Variants in SYNE1 observed in about 807,000 individuals in gnomAD.
SYNE1 encodes the protein nesprin-1.
A neutral mutation model predicts 1,111.0 loss-of-function variants in SYNE1; 616 were observed. The ratio of observed to expected loss-of-function variants is 0.55; its 90% CI spans 0.52 to 0.59. SYNE1 has a LOEUF of 0.59. SYNE1 is among the 20% of genes least tolerant of loss of function. The pLI is 0.00. For missense variants in SYNE1, 10,006 were observed against 10,417.0 expected, an observed-to-expected ratio of 0.96 and a Z score of 1.72; for synonymous variants, 3,855 against 3,825.8, an observed-to-expected ratio of 1.01 and a Z score of -0.28.
chr6:152,616,628 ATTGAGATGAG>A (rs370669659), intron 3 of SYNE1, among the ~76,000 whole-genome samples: 73 of 152,326 alleles, frequency 4.8e-4, no homozygotes, highest in African/African-American at 1.6e-3. Context: ...TCAAGGGAGC[ATTGAGATGAG>A]GATGAGAGAG....
chr6:152,444,581 A>G lies in SYNE1; in HGVS notation c.3670-3T>C. ...AAATTGCTTAGCATCTTTTCAACCT[A>G]TATTTTCATGAAAAAAAAAAACACG... On this transcript the variant is annotated splice_region_variant and splice_polypyrimidine_tract_variant and intron_variant, in intron 29 of 145. Transcript: ENST00000367255. The G allele has an allele frequency of 3.7e-6, 6 of 1,606,898 alleles. No individual in the cohort carries two copies. Among genetic ancestry groups the G allele is most frequent in the Non-Finnish European group, 5.1e-6 (6 of 1,178,048 alleles).
intron 3 of SYNE1, among the ~76,000 whole-genome samples, chr6:152,627,778 T>A (rs778452369): frequency 6.6e-6 from 1 of 152,176 alleles, no homozygotes; most frequent in Non-Finnish European, 1.5e-5. Context: ...CATCGTTTCA[T>A]CTCTTTGGGC....
chr6:152,579,352 C>T (rs9479353), intron 3 of SYNE1, among the ~76,000 whole-genome samples: 103,160 of 152,092 alleles, frequency 0.68, 35,989 homozygotes, highest in African/African-American at 0.84. Flanking sequence ...TCTCAGCTAC[C>T]ATGTTGTGAG....
chr6:152,223,033 C>CTACAAAAAT (rs2080542498), intron 117 of SYNE1, among the ~76,000 whole-genome samples: 2 of 152,124 alleles, frequency 1.3e-5, no homozygotes, highest in Non-Finnish European at 2.9e-5. Flanking sequence ...GTGAAGTAGG[C>CTACAAAAAT]TACAAAAATC....
chr6:152,448,566 G>A (rs2098615341), intron 28 of SYNE1, among the ~76,000 whole-genome samples: 1 of 152,180 alleles, frequency 6.6e-6, no homozygotes, highest in Non-Finnish European at 1.5e-5. Context: ...AATGGGCCAA[G>A]GGCAATAGCT....
chr6:152,603,834 T>C (rs1387154862), intron 3 of SYNE1, among the ~76,000 whole-genome samples: 1 of 145,008 alleles, frequency 6.9e-6, no homozygotes, highest in African/African-American at 2.6e-5. Flanking sequence ...ATAGATATAC[T>C]ATCTATCTAT....
Position 152,231,586 on chromosome 6 carries a change from A to T in SYNE1, c.20863-19T>A. 1 of 1,612,038 alleles carries T rather than the reference A, an allele frequency of 6.2e-7. No individual in the cohort carries two copies. ...TAAAACCCTAAAAAAAAAGAGGAGA[A>T]AATAAGATTATACAATAAATGTCTC... On this transcript the variant is annotated intron_variant, in intron 113 of 145. Coordinates refer to ENST00000367255, the MANE Select transcript of SYNE1 (RefSeq NM_182961.4).
intron 40 of SYNE1, among the ~76,000 whole-genome samples, chr6:152,417,785 TAAATTTAA>T (rs57952865): frequency 0.012 from 1,859 of 152,216 alleles, 35 homozygotes; most frequent in African/African-American, 0.042. Context: ...GAAAAAATTT[TAAATTTAA>T]AAATTTAAAA....
At position 152,323,623 on chromosome 6, in the gene SYNE1, C is replaced by G. The variant is rs577548641; in HGVS notation, c.15772G>C (p.Val5258Leu). 3 of 1,614,222 alleles carry G rather than the reference C, an allele frequency of 1.9e-6. No homozygotes were observed. Among genetic ancestry groups the G allele is most frequent in the African/African-American group, 2.7e-5 (2 of 75,070 alleles). ...LTLLEYHDTF[V>L]LELEQQQSAL... ...GACTGCTGCTGCTCCAGCTCCAGAA[C>G]GAACGTGTCGTGGTATTCAAGAAGA... is the stretch of plus-strand genomic sequence containing the variant. The change falls in exon 82 of 146, where the codon GTT becomes CTT. Residue 5258 changes from valine (V) to leucine (L), a missense_variant. Coordinates refer to ENST00000367255, the MANE Select transcript of SYNE1 (RefSeq NM_182961.4).
intron 145 of SYNE1, among the ~76,000 whole-genome samples, chr6:152,130,317 A>T (rs956145099): frequency 3.3e-5 from 5 of 152,234 alleles, no homozygotes; most frequent in African/African-American, 1.2e-4. Flanking sequence ...TTTTATTCAG[A>T]TATGCGGGTT....
chr6:152,403,764 AG>A (rs2097854022), intron 46 of SYNE1, among the ~76,000 whole-genome samples: 1 of 151,976 alleles, frequency 6.6e-6, no homozygotes, highest in Non-Finnish European at 1.5e-5. Context: ...CCAAAAAAAG[AG>A]GGGGTTCTGT....
intron 55 of SYNE1, among the ~76,000 whole-genome samples, chr6:152,382,035 A>C (rs987281276): frequency 2.0e-5 from 3 of 152,230 alleles, no homozygotes; most frequent in Non-Finnish European, 4.4e-5. Flanking sequence ...CAGTTTAGCT[A>C]TAGCCAAGTT....
Position 152,164,176 on chromosome 6 carries a change from A to T in SYNE1, c.23777T>A (p.Leu7926His), listed in dbSNP as rs758166566. 6.2e-7 allele frequency: 1 copy of T among 1,614,132 alleles called. No individual in the cohort carries two copies. Among genetic ancestry groups the T allele is most frequent in the South Asian group, 1.1e-5 (1 of 91,074 alleles). Residue 7926 changes from leucine (L) to histidine (H), a missense_variant, in exon 131 of 146, where the codon CTT becomes CAT. Coordinates refer to ENST00000367255, the MANE Select transcript of SYNE1 (RefSeq NM_182961.4). Reference protein sequence around the residue: ...SCNSEEIQRKLNEQQELQRDI... With the variant: ...SCNSEEIQRKHNEQQELQRDI... The stretch of plus-strand genomic sequence containing the variant: ...TTTAAGTCTTACCTGCTGCTCATTA[A>T]GCTTTCTCTGTATTTCTTCCGAGTT...
chr6:152,256,582 C>T, intron 102 of SYNE1, 52 bp downstream of exon 102: 1 of 1,609,998 alleles, frequency 6.2e-7, no homozygotes, highest in Non-Finnish European at 8.5e-7. Context: ...TCAATACAAG[C>T]AAAACAAGAC....
intron 121 of SYNE1, 133 bp downstream of exon 121, chr6:152,218,124 A>C: frequency 9.7e-7 from 1 of 1,025,730 alleles, no homozygotes; most frequent in Non-Finnish European, 1.5e-6. Flanking sequence ...CCCGGAAAGC[A>C]GAGGTTGCAG....
intron 3 of SYNE1, among the ~76,000 whole-genome samples, chr6:152,618,453 C>T (rs1044336329): frequency 6.6e-6 from 1 of 152,030 alleles, no homozygotes; most frequent in Admixed American, 6.6e-5. Context: ...GTAAACAAGT[C>T]AACAGTAGAA....
chr6:152,216,479 T>C (rs2078702708), intron 121 of SYNE1, among the ~76,000 whole-genome samples: 1 of 152,222 alleles, frequency 6.6e-6, no homozygotes, highest in South Asian at 2.1e-4. Context: ...ACCAGGACTT[T>C]ACTCTTTTTA....
intron 53 of SYNE1, among the ~76,000 whole-genome samples, chr6:152,389,818 T>C (rs2097580134): frequency 6.6e-6 from 1 of 152,178 alleles, no homozygotes; most frequent in South Asian, 2.1e-4. Flanking sequence ...CTCGTCACTG[T>C]GACAATCAAA....
At chr6:152,274,537 G>T (rs1314315853) in intron 98 of SYNE1, among the ~76,000 whole-genome samples, 9 of 151,102 alleles carry the variant, frequency 6.0e-5, no homozygotes, top group Non-Finnish European at 8.9e-5. Flanking sequence ...GGGAAGGGGG[G>T]TCATACAGAA....
Sources: gnomAD v4.1 joint callset for allele counts (sites outside exome capture counted in the v4.1 genomes callset) on GRCh38, gnomAD v4.1.1 for gene constraint, MANE v1.5 for transcripts, NCBI Gene and HGNC (gene_info 2026-07-23, HGNC 2026-07-21) for gene names.